RAPGEF4: variants seen among roughly 807,000 people sequenced by gnomAD.
RAPGEF4 encodes RAP guanine-nucleotide-exchange factor (GEF) 4.
Under a neutral mutation model 147.9 loss-of-function variants are expected in RAPGEF4, and 66 were observed. The ratio of observed to expected loss-of-function variants is 0.45; its 90% CI spans 0.37 to 0.55. The LOEUF is 0.55. RAPGEF4 is among the 20% of genes least tolerant of loss of function. The pLI, the probability that RAPGEF4 is intolerant of heterozygous loss-of-function variation, is 0.00. For synonymous variants in RAPGEF4, 419 were observed against 442.7 expected (o/e 0.95, Z 0.67); for missense variants, 1,071 against 1,257.3 (o/e 0.85, Z 2.24).
chr2:173,022,479 T>C (rs1329094792), intron 23 of RAPGEF4, among the ~76,000 whole-genome samples: 1 of 152,200 alleles, frequency 6.6e-6, no homozygotes, highest in African/African-American at 2.4e-5. Flanking sequence ...ATGAGCTCCT[T>C]CTCTGGCTTT....
intron 26 of RAPGEF4, among the ~76,000 whole-genome samples, chr2:173,031,695 G>C (rs887516746): frequency 1.3e-5 from 2 of 152,164 alleles, no homozygotes; most frequent in Non-Finnish European, 2.9e-5. Flanking sequence ...GGCAGCAAAA[G>C]GAGATAGCTA....
intron 1 of RAPGEF4, among the ~76,000 whole-genome samples, chr2:172,749,850 A>G (rs998307539): frequency 6.6e-6 from 1 of 152,122 alleles, no homozygotes; most frequent in East Asian, 1.9e-4. Context: ...TGCCACTTTG[A>G]AATTTCTTCT....
intron 27 of RAPGEF4, among the ~76,000 whole-genome samples, chr2:173,035,645 G>A (rs1357050593): frequency 1.3e-5 from 2 of 152,068 alleles, no homozygotes; most frequent in African/African-American, 4.8e-5. Context: ...AGCCAATCAT[G>A]CCCAGCCCAA....
At chr2:172,829,746 G>A (rs1690083312) in intron 4 of RAPGEF4, among the ~76,000 whole-genome samples, 1 of 150,878 alleles carries the variant, frequency 6.6e-6, no homozygotes, top group Non-Finnish European at 1.5e-5. Flanking sequence ...TAGGTCGAAT[G>A]TGAGCCTTTT....
intron 6 of RAPGEF4, among the ~76,000 whole-genome samples, chr2:172,944,646 C>T (rs1217655073): frequency 1.3e-5 from 2 of 152,160 alleles, no homozygotes; most frequent in Non-Finnish European, 2.9e-5. Flanking sequence ...TGATTAACCC[C>T]AGTCTGACTG....
At chr2:172,738,376 C>T (rs946490781) in intron 1 of RAPGEF4, among the ~76,000 whole-genome samples, 2 of 152,006 alleles carry the variant, frequency 1.3e-5, no homozygotes, top group African/African-American at 2.4e-5. Context: ...GGTGGTGGGA[C>T]GGCTCTATAA....
intron 4 of RAPGEF4, among the ~76,000 whole-genome samples, chr2:172,829,402 G>A (rs1401072075): frequency 6.6e-6 from 1 of 152,210 alleles, no homozygotes; most frequent in Admixed American, 6.5e-5. Context: ...TCATGCAGAA[G>A]GAAGGTGAGC....
intron 20 of RAPGEF4, 25 bp from the exon 21 acceptor site, chr2:173,017,401 G>A: frequency 6.2e-7 from 1 of 1,605,360 alleles, no homozygotes; most frequent in African/African-American, 1.3e-5. Context: ...GTCCCTTATG[G>A]CACTTGCTGT....
Position 172,814,392 on chromosome 2 carries a change from C to A in RAPGEF4, c.411C>A (p.Arg137=). ...CCAGGGAGAGCAGTGAACTGCTCCG[C>A]ATCGAGCAGAAGGACTTCAAGGCAC... ...IVTRESSELL[R]IEQKDFKALW... Residue 137 remains arginine, a synonymous_variant, in exon 4 of 31, where the codon CGC becomes CGA. Transcript: ENST00000397081. 6.2e-7 allele frequency: 1 copy of A among 1,614,172 alleles called. No homozygotes were observed. The highest frequency in any genetic ancestry group is 8.5e-7 in the Non-Finnish European group (1 of 1,180,036).
chr2:172,798,648 C>CTTTTTTTTTTTTTTTTTTTTTTTTTTAG (rs1268901656), intron 3 of RAPGEF4, among the ~76,000 whole-genome samples: 3 of 151,964 alleles, frequency 2.0e-5, no homozygotes, highest in African/African-American at 2.4e-5. Context: ...GAGGCTTTTT[C>CTTTTTTTTTTTTTTTTTTTTTTTTTTAG]ATAGGTAGCA....
At chr2:172,871,808 C>T (rs754004339) in intron 4 of RAPGEF4, among the ~76,000 whole-genome samples, 1 of 151,880 alleles carries the variant, frequency 6.6e-6, no homozygotes, top group Admixed American at 6.6e-5. Context: ...CTTTCCAATT[C>T]ACTTTTACAT....
At chr2:172,824,287 A>C (rs566201572) in intron 4 of RAPGEF4, among the ~76,000 whole-genome samples, 3 of 152,330 alleles carry the variant, frequency 2.0e-5, no homozygotes, top group South Asian at 2.1e-4. Flanking sequence ...TCTCTAGAAG[A>C]TAGAGCTTCA....
chr2:172,763,897 A>G (rs1696582534), intron 1 of RAPGEF4, among the ~76,000 whole-genome samples: 1 of 152,074 alleles, frequency 6.6e-6, no homozygotes, highest in Non-Finnish European at 1.5e-5. Flanking sequence ...GTATTTTCTG[A>G]TTATGCTAAG....
At position 172,978,197 on chromosome 2, in the gene RAPGEF4, CA is replaced by C. The variant is rs34582271; in HGVS notation, c.1005-5298del. On this transcript the variant is annotated intron_variant, in intron 10 of 30. Coordinates refer to ENST00000397081, the MANE Select transcript of RAPGEF4 (RefSeq NM_007023.4). ...GGCTTCTGTGCAGATGTAGTGGTCA[CA>C]CCCCCCCCAGAGCTTCCCCTGGAAA... Among the ~76,000 whole-genome samples the C allele has an allele frequency of 2.2e-3, 311 of 139,202 alleles. 3 individuals are homozygous for C. Among genetic ancestry groups the C allele is most frequent in the African/African-American group, 7.6e-3 (262 of 34,626 alleles). 91.3% of individuals were successfully genotyped at this position (139,202 alleles called of 152,430 possible). A position where few individuals can be genotyped will look rare whatever the true frequency, so the allele number is the denominator to read the frequency against.
At chr2:172,986,754 C>T (rs1205057439) in intron 12 of RAPGEF4, among the ~76,000 whole-genome samples, 1 of 150,402 alleles carries the variant, frequency 6.6e-6, no homozygotes, top group Non-Finnish European at 1.5e-5. Context: ...AGTGCAGTGG[C>T]ACAACCTTGG....
chr2:172,911,089 C>T (rs1700049095), intron 4 of RAPGEF4, among the ~76,000 whole-genome samples: 1 of 152,200 alleles, frequency 6.6e-6, no homozygotes, highest in African/African-American at 2.4e-5. Flanking sequence ...TCTGTCCTTT[C>T]TTGAGACTCC....
chr2:172,788,461 T>C (rs1429833944), intron 1 of RAPGEF4, among the ~76,000 whole-genome samples: 1 of 152,340 alleles, frequency 6.6e-6, no homozygotes, highest in East Asian at 1.9e-4. Context: ...TAGTTTTCTG[T>C]TGCTGTGTAA....
chr2:173,017,455 G>A lies in RAPGEF4; in HGVS notation c.1959G>A (p.Thr653=), dbSNP rs765927832. Residue 653 remains threonine, a synonymous_variant, in exon 21 of 31, where the codon ACG becomes ACA. Transcript: ENST00000397081. ...KHKVLLQQFN[T]GDERAQKRQP... ...AGGTTCTTTTGCAACAGTTCAATACGGGCGATGAGAGAGCCCAGAAGCGCC... is the reference window on the plus strand; with the variant it reads ...AGGTTCTTTTGCAACAGTTCAATACAGGCGATGAGAGAGCCCAGAAGCGCC... 2.9e-5 allele frequency: 46 copies of A among 1,613,970 alleles called. No individual in the cohort carries two copies. Among genetic ancestry groups the A allele is most frequent in the South Asian group, 3.3e-5 (3 of 91,060 alleles).
chr2:172,977,593 G>A (rs1278007390), intron 10 of RAPGEF4, among the ~76,000 whole-genome samples: 1 of 152,068 alleles, frequency 6.6e-6, no homozygotes, highest in Non-Finnish European at 1.5e-5. Context: ...CCCCACTAGG[G>A]TGGGAGGGGG....
Sources: gnomAD v4.1 joint callset for allele counts (sites outside exome capture counted in the v4.1 genomes callset) on GRCh38, gnomAD v4.1.1 for gene constraint, MANE v1.5 for transcripts, NCBI Gene and HGNC (gene_info 2026-07-23, HGNC 2026-07-21) for gene names.